LINGO2: variants seen among roughly 807,000 people sequenced by gnomAD.
The protein encoded by LINGO2 is leucine-rich repeat and immunoglobulin-like domain-containing nogo receptor-interacting protein 2.
Under a neutral mutation model 30.6 loss-of-function variants are expected in LINGO2, and 14 were observed. The observed-to-expected ratio is 0.46, with a 90% CI of 0.30 to 0.72. The LOEUF is 0.72. Among genes scored for constraint, LINGO2 ranks in the 30% least tolerant of loss-of-function variants. The pLI is 0.07. For missense variants in LINGO2, 729 were observed against 751.7 expected, an observed-to-expected ratio of 0.97 and a Z score of 0.35; for synonymous variants, 317 against 288.5, an observed-to-expected ratio of 1.10 and a Z score of -1.00.
chr9:28,202,430 C>A (rs921264216), intron 4 of LINGO2, among the ~76,000 whole-genome samples: 1 of 152,084 alleles, frequency 6.6e-6, no homozygotes, highest in Admixed American at 6.6e-5. Context: ...AGTTTACCAG[C>A]CATACCTCCC....
the LINGO2 span, among the ~76,000 whole-genome samples, chr9:28,870,011 A>G: frequency 6.6e-6 from 1 of 151,900 alleles, no homozygotes; most frequent in Non-Finnish European, 1.5e-5. Context: ...AGCTAAAAAC[A>G]CTTCAGAATC....
the LINGO2 span, among the ~76,000 whole-genome samples, chr9:28,903,729 T>C: frequency 9.2e-5 from 14 of 152,200 alleles, no homozygotes; most frequent in Non-Finnish European, 1.3e-4. Context: ...CCTCCTGCCT[T>C]AGACTTATCA....
chr9:28,766,180 T>C, the LINGO2 span, among the ~76,000 whole-genome samples: 7 of 151,942 alleles, frequency 4.6e-5, no homozygotes, highest in African/African-American at 1.7e-4. Context: ...GGAGAAAATA[T>C]TTGCAAACCA....
intron 2 of LINGO2, among the ~76,000 whole-genome samples, chr9:28,465,123 G>T (rs975424734): frequency 6.6e-5 from 10 of 152,176 alleles, no homozygotes; most frequent in African/African-American, 2.4e-4. Context: ...GCTGTCTGTG[G>T]ATGGCTTAAG....
chr9:29,009,395 C>G, the LINGO2 span, among the ~76,000 whole-genome samples: 2 of 152,088 alleles, frequency 1.3e-5, no homozygotes, highest in African/African-American at 4.8e-5. Flanking sequence ...CAATTACAGA[C>G]AGACAGCCAA....
chr9:29,153,018 C>A, the LINGO2 span, among the ~76,000 whole-genome samples: 1 of 151,878 alleles, frequency 6.6e-6, no homozygotes, highest in Non-Finnish European at 1.5e-5. Flanking sequence ...TGTAGGCATA[C>A]GACTACAGAG....
chr9:28,093,568 A>G (rs545787072), intron 4 of LINGO2, among the ~76,000 whole-genome samples: 21 of 151,984 alleles, frequency 1.4e-4, no homozygotes, highest in South Asian at 2.1e-4. Context: ...AACTTTTAAT[A>G]TTTTTCTAAT....
intron 1 of LINGO2, among the ~76,000 whole-genome samples, chr9:28,666,717 A>AAAT (rs1828814780): frequency 6.6e-6 from 1 of 152,138 alleles, no homozygotes; most frequent in Non-Finnish European, 1.5e-5. Context: ...GACCTCATAT[A>AAAT]AATTGAAAAA....
chr9:28,586,277 C>A (rs1484506829), intron 1 of LINGO2, among the ~76,000 whole-genome samples: 1 of 152,010 alleles, frequency 6.6e-6, no homozygotes, highest in African/African-American at 2.4e-5. Flanking sequence ...TCCACACATT[C>A]TTCTACAACA....
At chr9:28,543,080 A>G (rs1247879703) in intron 1 of LINGO2, among the ~76,000 whole-genome samples, 2 of 152,100 alleles carry the variant, frequency 1.3e-5, no homozygotes, top group Admixed American at 6.6e-5. Context: ...CATTTCTAAA[A>G]CACAAATAAT....
chr9:29,189,590 G>C, the LINGO2 span, among the ~76,000 whole-genome samples: 2 of 151,750 alleles, frequency 1.3e-5, no homozygotes, highest in Admixed American at 6.6e-5. Context: ...AGGCAGAGAC[G>C]CTCCTCACTT....
intron 2 of LINGO2, among the ~76,000 whole-genome samples, chr9:28,410,830 C>CA (rs1276457706): frequency 9.2e-5 from 14 of 152,006 alleles, no homozygotes; most frequent in African/African-American, 3.4e-4. Flanking sequence ...TATGAAAACT[C>CA]AATCGTCAGG....
the LINGO2 span, among the ~76,000 whole-genome samples, chr9:28,895,215 G>T: frequency 6.6e-6 from 1 of 151,504 alleles, no homozygotes. Context: ...AAAAAACAGT[G>T]CAGGTTTAAT....
chr9:28,103,935 C>A (rs1159265823), intron 4 of LINGO2, among the ~76,000 whole-genome samples: 1 of 152,076 alleles, frequency 6.6e-6, no homozygotes, highest in Non-Finnish European at 1.5e-5. Flanking sequence ...TGACTTATAC[C>A]AATCATTGGG....
At chr9:28,383,527 G>A (rs897157750) in intron 2 of LINGO2, among the ~76,000 whole-genome samples, 1 of 151,914 alleles carries the variant, frequency 6.6e-6, no homozygotes, top group African/African-American at 2.4e-5. Context: ...CTCCTCAGGG[G>A]ATCTCTATCT....
chr9:28,779,908 A>G, the LINGO2 span, among the ~76,000 whole-genome samples: 3 of 151,970 alleles, frequency 2.0e-5, no homozygotes, highest in Non-Finnish European at 4.4e-5. Context: ...GCTTCTTACT[A>G]TCCCTCTGAT....
rs1035338752 is a variant in LINGO2 at position 28,148,058 on chromosome 9, C to T, written c.-86-135653G>A. ...CTGGCCATGCCATTGGCAACCTGCTCGTCTTGTCCATGAGGCCTTCCCAGC... is the reference window on the plus strand; with the variant it reads ...CTGGCCATGCCATTGGCAACCTGCTTGTCTTGTCCATGAGGCCTTCCCAGC... On this transcript the variant is annotated intron_variant, in intron 4 of 5. Transcript: ENST00000379992. This position sits in a 1 kb window ranked among gnomAD's most constrained non-coding sequence, Gnocchi z 5.1. Among the ~76,000 whole-genome samples, 4 of 152,190 alleles carry T rather than the reference C, an allele frequency of 2.6e-5. No homozygotes were observed. Among genetic ancestry groups the T allele is most frequent in the African/African-American group, 7.2e-5 (3 of 41,454 alleles).
chr9:28,619,801 A>G (rs1279586915), intron 1 of LINGO2, among the ~76,000 whole-genome samples: 1 of 152,106 alleles, frequency 6.6e-6, no homozygotes, highest in Non-Finnish European at 1.5e-5. Flanking sequence ...TGAAACACAA[A>G]GCCAAAATTA....
chr9:28,534,577 T>C (rs1821355398), intron 1 of LINGO2, among the ~76,000 whole-genome samples: 1 of 152,174 alleles, frequency 6.6e-6, no homozygotes, highest in African/African-American at 2.4e-5. Flanking sequence ...ATTTTCTTTC[T>C]AAGAAAACTT....
Sources: allele counts gnomAD v4.1 joint callset (sites outside exome capture counted in the v4.1 genomes callset), GRCh38; gene constraint gnomAD v4.1.1; non-coding constraint Gnocchi (gnomAD v3.1); transcripts MANE v1.5; gene names NCBI Gene and HGNC (gene_info 2026-07-23, HGNC 2026-07-21).